Variants in CC2D1A observed in about 807,000 individuals in gnomAD.
CC2D1A encodes the protein coiled-coil and C2 domain-containing protein 1A.
In CC2D1A, 68 loss-of-function variants were observed where a neutral mutation model predicts 123.8. The observed-to-expected ratio is 0.55, with a 90% confidence interval of 0.45 to 0.67. CC2D1A has a LOEUF of 0.67. CC2D1A is among the 30% of genes least tolerant of loss of function. CC2D1A has a pLI of 0.00. For synonymous variants in CC2D1A, 477 were observed against 528.0 expected (o/e 0.90, Z 1.32); for missense variants, 1,185 against 1,290.3 (o/e 0.92, Z 1.25).
Position 13,912,401 on chromosome 19 carries a change from C to T in CC2D1A, c.275C>T (p.Thr92Met), listed in dbSNP as rs35098354. The change falls in exon 3 of 29, where the codon ACG (threonine) becomes ATG (methionine). Residue 92 changes from threonine (T) to methionine (M), a missense_variant. Physicochemically the swap from Thr to Met is moderately conservative, Grantham distance 81. Coordinates refer to ENST00000318003, the MANE Select transcript of CC2D1A (RefSeq NM_017721.5). ...CCGGATGAGGATGAGGAGGAGGGGACGGATGAGGACGACTTGGAGGCTGAT... is the reference window on the plus strand; with the variant it reads ...CCGGATGAGGATGAGGAGGAGGGGATGGATGAGGACGACTTGGAGGCTGAT... ...RDPDEDEEEG[T>M]DEDDLEADDD... 34 of 1,613,494 alleles carry T rather than the reference C, an allele frequency of 2.1e-5. No individual in the cohort carries two copies. The highest frequency in any genetic ancestry group is 1.6e-4 in the Middle Eastern group (1 of 6,062).
Position 13,919,195 on chromosome 19 carries a change from GC to G in CC2D1A, c.1220del (p.Pro407GlnfsTer27). 6.2e-7 allele frequency: 1 copy of G among 1,612,116 alleles called. No individual in the cohort carries two copies. Among genetic ancestry groups the G allele is most frequent in the Non-Finnish European group, 8.5e-7 (1 of 1,179,210 alleles). On this transcript the variant is annotated frameshift_variant, in exon 11 of 29. Transcript: ENST00000318003. LOFTEE classifies it high-confidence loss of function. ...RAVDVAELPVPPGFPPIQGLE... is the reference protein window; with the variant it reads ...RAVDVAELPVXPGFPPIQGLE... The stretch of plus-strand genomic sequence containing the variant: ...CCGTGGATGTCGCTGAATTGCCCGT[GC>G]CCCCAGGTAGGCCTTGCCCCTGTAG...
intron 3 of CC2D1A, 35 bp downstream of exon 3, chr19:13,912,473 G>A (rs200521962): frequency 4.5e-5 from 73 of 1,614,006 alleles, no homozygotes; most frequent in African/African-American, 8.0e-5. Flanking sequence ...GCTCTGATCC[G>A]GTTGCCCCCA....
Position 13,908,426 on chromosome 19 carries a change from G to A in CC2D1A, c.61-1397G>A, listed in dbSNP as rs554897374. On this transcript the variant is annotated intron_variant, in intron 1 of 28. Transcript: ENST00000318003. ...CTCCCAAAGTGCTGGGATTACAAGCGTGAGCCACTGCACCTGGCCCTGTCG... is the reference window on the plus strand; with the variant it reads ...CTCCCAAAGTGCTGGGATTACAAGCATGAGCCACTGCACCTGGCCCTGTCG... Among the ~76,000 whole-genome samples the A allele has an allele frequency of 2.6e-4, 39 of 152,104 alleles. 1 individual carries two copies. Among genetic ancestry groups the A allele is most frequent in the African/African-American group, 7.2e-4 (30 of 41,506 alleles).
chr19:13,926,651 C>G lies in CC2D1A; in HGVS notation c.2015-16C>G, dbSNP rs369545962. 3.1e-6 allele frequency: 5 copies of G among 1,614,034 alleles called. No individual in the cohort carries two copies. The highest frequency in any genetic ancestry group is 2.7e-5 in the African/African-American group (2 of 74,910). On this transcript the variant is annotated splice_polypyrimidine_tract_variant and intron_variant, in intron 18 of 28. Transcript: ENST00000318003. ...GACCCCCTCTCTGCCCAGCTCTGACCGTTGTTTGCCCACAGGACTGTCCCC... is the reference window on the plus strand; with the variant it reads ...GACCCCCTCTCTGCCCAGCTCTGACGGTTGTTTGCCCACAGGACTGTCCCC...
At position 13,918,946 on chromosome 19, in the gene CC2D1A, G is replaced by A. The variant is rs768483916; in HGVS notation, c.1053G>A (p.Ala351=). The A allele has an allele frequency of 1.2e-6, 2 of 1,610,704 alleles. No individual in the cohort carries two copies. The highest frequency in any genetic ancestry group is 1.7e-4 in the Middle Eastern group (1 of 6,052). The change falls in exon 10 of 29, where the codon GCG becomes GCA. Residue 351 remains alanine, a synonymous_variant. Transcript: ENST00000318003. ...CACCCCCGAGGACCCTGCTGGAGGC[G>A]CTGGAGCAGCGGATGGAGCGGTACC... ...VPPPPRTLLE[A]LEQRMERYQV...
chr19:13,929,449 A>C lies in CC2D1A; in HGVS notation c.2583+7A>C. 6.2e-7 allele frequency: 1 copy of C among 1,612,994 alleles called. No individual in the cohort carries two copies. The highest frequency in any genetic ancestry group is 8.5e-7 in the Non-Finnish European group (1 of 1,179,858). On this transcript the variant is annotated splice_region_variant and intron_variant, in intron 25 of 28. Coordinates refer to ENST00000318003, the MANE Select transcript of CC2D1A (RefSeq NM_017721.5). ...AGAGCGTCTGGAGCGGAAGGTGGGTATCCATCCTGCCGGGCTACATGGGGC... is the reference window on the plus strand; with the variant it reads ...AGAGCGTCTGGAGCGGAAGGTGGGTCTCCATCCTGCCGGGCTACATGGGGC...
intron 6 of CC2D1A, among the ~76,000 whole-genome samples, chr19:13,917,135 G>A (rs1316395968): frequency 6.6e-6 from 1 of 152,162 alleles, no homozygotes; most frequent in Non-Finnish European, 1.5e-5. Flanking sequence ...AATAAGAGAA[G>A]ACTCAAAATT....
At chr19:13,928,637 G>A (rs567598147) in intron 24 of CC2D1A, among the ~76,000 whole-genome samples, 54 of 151,412 alleles carry the variant, frequency 3.6e-4, no homozygotes, top group African/African-American at 1.2e-3. Flanking sequence ...TCCCCGCTAG[G>A]TTTTGGGATC....
Position 13,906,669 on chromosome 19 carries a change from G to T in CC2D1A, c.60+168G>T, listed in dbSNP as rs1400445256. ...AACACCACCCAAGTGTGGCCTACTG[G>T]CCTTGGCTCCCCAGCTCCTGGGGCC... On this transcript the variant is annotated intron_variant, in intron 1 of 28. Coordinates refer to ENST00000318003, the MANE Select transcript of CC2D1A (RefSeq NM_017721.5). This position sits in a 1 kb window ranked among gnomAD's most constrained non-coding sequence, Gnocchi z 4.1. 6.6e-6 allele frequency among the ~76,000 whole-genome samples: 1 copy of T among 152,198 alleles called. No individual in the cohort carries two copies. The highest frequency in any genetic ancestry group is 2.4e-5 in the African/African-American group (1 of 41,466).
At chr19:13,913,347 G>C (rs751536094) in intron 5 of CC2D1A, 45 bp downstream of exon 5, 1 of 1,606,844 alleles carries the variant, frequency 6.2e-7, no homozygotes, top group Non-Finnish European at 8.5e-7. Flanking sequence ...CGCCAACCCC[G>C]ATGCCCTGCA....
chr19:13,913,331 ACCC>A, intron 5 of CC2D1A, 29 bp downstream of exon 5: 1 of 1,605,996 alleles, frequency 6.2e-7, no homozygotes, highest in South Asian at 1.1e-5. Flanking sequence ...GGGTACAGGG[ACCC>A]CCCGCCAACC....
Position 13,913,595 on chromosome 19 carries a change from C to T in CC2D1A, c.705C>T (p.Ala235=), listed in dbSNP as rs376336714. ...CCCTGGAGGGACCTTCTGCCACCGC[C>T]CCAGCCTCATCTCCAGGCTTGGCTA... ...RVTLEGPSAT[A]PASSPGLAKP... is the part of the protein sequence containing the mutation. Residue 235 remains alanine (A), a synonymous_variant, in exon 6 of 29, where the codon GCC becomes GCT. Coordinates refer to ENST00000318003, the MANE Select transcript of CC2D1A (RefSeq NM_017721.5). 3.4e-4 allele frequency: 546 copies of T among 1,613,246 alleles called. 2 individuals carry two copies. Among genetic ancestry groups the T allele is most frequent in the Non-Finnish European group, 4.5e-4 (529 of 1,179,544 alleles).
Position 13,906,365 on chromosome 19 carries a change from G to A in CC2D1A, c.-77G>A, listed in dbSNP as rs890009938. On this transcript the variant is annotated 5_prime_UTR_variant, in exon 1 of 29. Transcript: ENST00000318003. The surrounding 1 kb of genome is among the most constrained non-coding windows in gnomAD (Gnocchi z 4.1). The stretch of plus-strand genomic sequence containing the variant: ...TGCAGGACTCAGGAAGGGCGAGTGC[G>A]CGGCGACAGAGCCCGGGGAAGGAGG... 1.6e-6 allele frequency: 2 copies of A among 1,239,464 alleles called. No individual in the cohort carries two copies. Among genetic ancestry groups the A allele is most frequent in the Non-Finnish European group, 1.1e-6 (1 of 916,094 alleles). 76.8% of individuals were successfully genotyped at this position (1,239,464 alleles called of 1,614,324 possible).
At chr19:13,912,930 G>A (rs967809302) in intron 4 of CC2D1A, among the ~76,000 whole-genome samples, 2 of 152,230 alleles carry the variant, frequency 1.3e-5, no homozygotes, top group African/African-American at 4.8e-5. Flanking sequence ...ACAGGCGTGA[G>A]CCACCGCGCC....
rs1259124350 is a variant in CC2D1A at position 13,920,627 on chromosome 19, C to G, written c.1427C>G (p.Ala476Gly). Residue 476 changes from alanine (A) to glycine (G), a missense_variant, in exon 13 of 29, where the codon GCC (alanine) becomes GGC (glycine). By Grantham distance (60) the Ala-to-Gly change is moderately conservative. Transcript: ENST00000318003. ...PPSRTPQSGS[A>G]PTAKAPPKAT... ...TCAAGAACTCCCCAGTCGGGATCAG[C>G]CCCAACAGCCAAAGCGCCCCCCAAA... 1 of 1,611,196 alleles carries G rather than the reference C, an allele frequency of 6.2e-7. No individual in the cohort carries two copies. The highest frequency in any genetic ancestry group is 1.1e-5 in the South Asian group (1 of 90,696).
chr19:13,918,795 C>G lies in CC2D1A; in HGVS notation c.996C>G (p.Pro332=), dbSNP rs1204982987. Reference sequence around the variant, plus strand: ...CACCACCGTCGCAGCCTCCGACCCCCGCTACGGCGCCCTCCACAACAGGTA... The same window carrying G: ...CACCACCGTCGCAGCCTCCGACCCCGGCTACGGCGCCCTCCACAACAGGTA... ...PPSPPSQPPT[P]ATAPSTTEVP... The change falls in exon 9 of 29, where the codon CCC becomes CCG. Residue 332 remains proline, a synonymous_variant. Coordinates refer to ENST00000318003, the MANE Select transcript of CC2D1A (RefSeq NM_017721.5). The G allele has an allele frequency of 6.2e-7, 1 of 1,613,518 alleles. No individual in the cohort carries two copies. Among genetic ancestry groups the G allele is most frequent in the Non-Finnish European group, 8.5e-7 (1 of 1,179,784 alleles).
chr19:13,913,181 C>T lies in CC2D1A; in HGVS notation c.392C>T (p.Ala131Val), dbSNP rs1971064420. The stretch of plus-strand genomic sequence containing the variant: ...GCCCTCCCACAGCCGAAGCCTGAGG[C>T]CCCTCATCCGGGGCTGGAGACCACC... ...PPPVAQPKPE[A>V]PHPGLETTLQ... The change falls in exon 5 of 29, where the codon GCC (alanine) becomes GTC (valine). Residue 131 changes from alanine (A) to valine (V), a missense_variant. By Grantham distance (64) the Ala-to-Val change is moderately conservative. Transcript: ENST00000318003. The T allele has an allele frequency of 1.9e-6, 3 of 1,610,610 alleles. No homozygotes were observed. Among genetic ancestry groups the T allele is most frequent in the Admixed American group, 1.7e-5 (1 of 59,360 alleles).
chr19:13,916,688 A>G (rs1316601833), intron 6 of CC2D1A, among the ~76,000 whole-genome samples: 4 of 152,224 alleles, frequency 2.6e-5, no homozygotes, highest in Non-Finnish European at 5.9e-5. Context: ...TTATAATCAC[A>G]GGAAATAAAA....
At chr19:13,927,783 G>GAA (rs375146906) in intron 22 of CC2D1A, 110 bp from the exon 23 acceptor site, 1,836 of 879,260 alleles carry the variant, frequency 2.1e-3, no homozygotes, top group Non-Finnish European at 2.4e-3. Flanking sequence ...CTCTATCTCA[G>GAA]AAAAAAAAAA....
Sources: gnomAD v4.1 joint callset for allele counts (sites outside exome capture counted in the v4.1 genomes callset) on GRCh38, gnomAD v4.1.1 for gene constraint, Gnocchi (gnomAD v3.1) non-coding constraint, MANE v1.5 for transcripts, NCBI Gene and HGNC (gene_info 2026-07-23, HGNC 2026-07-21) for gene names.